The following CPD variants were observed in gnomAD, a reference collection of about 807,000 sequenced individuals.
The protein encoded by CPD is carboxypeptidase D, also known as metallocarboxypeptidase D.
In CPD, 69 loss-of-function variants were observed where a neutral mutation model predicts 138.3. That is an observed-to-expected ratio of 0.50 (90% CI 0.41 to 0.61). The LOEUF (loss-of-function observed/expected upper bound fraction) is 0.61, where lower values mean the gene tolerates loss of function less well. Among genes scored for constraint, CPD ranks in the 20% least tolerant of loss-of-function variants. The pLI is 0.00. For missense variants in CPD, 1,432 were observed against 1,733.3 expected (o/e 0.83, Z 3.09); for synonymous variants, 651 against 642.1 (o/e 1.01, Z -0.21).
intron 14 of CPD, among the ~76,000 whole-genome samples, chr17:30,453,356 C>A (rs1674722540): frequency 6.6e-6 from 1 of 152,196 alleles, no homozygotes; most frequent in Non-Finnish European, 1.5e-5. Flanking sequence ...GGGCTACAGG[C>A]CCCATGCAAG....
intron 5 of CPD, 21 bp from the exon 6 acceptor site, chr17:30,423,485 A>ATGTAATTATTT (rs1912323279): frequency 1.4e-6 from 2 of 1,473,028 alleles, no homozygotes; most frequent in Non-Finnish European, 1.8e-6. Context: ...AAAGCCTTCC[A>ATGTAATTATTT]TGTAATTATT....
intron 2 of CPD, among the ~76,000 whole-genome samples, chr17:30,416,379 A>G (rs1457595443): frequency 6.6e-6 from 1 of 152,246 alleles, no homozygotes; most frequent in East Asian, 1.9e-4. Context: ...CAATGTGGAT[A>G]TAGTTAACAC....
At chr17:30,380,436 T>G in intron 1 of CPD, 1 of 1,227,736 alleles carries the variant, frequency 8.1e-7, no homozygotes. Context: ...TGCACAGATC[T>G]GTGAGCCGCT....
In CPD at chr17:30,461,294, C is replaced by A; in HGVS notation, c.3613C>A (p.Leu1205Ile). 6.2e-7 allele frequency: 1 copy of A among 1,602,420 alleles called. No individual in the cohort carries two copies. Among genetic ancestry groups the A allele is most frequent in the East Asian group, 2.3e-5 (1 of 44,370 alleles). Residue 1205 changes from leucine to isoleucine, a missense_variant, in exon 18 of 21, where the codon CTT (leucine) becomes ATT (isoleucine). This residue lies in a region of CPD where 366 missense variants were observed against 518.8 expected (regional missense o/e 0.71). Coordinates refer to ENST00000225719, the MANE Select transcript of CPD (RefSeq NM_001304.5). Reference sequence around the variant, plus strand: ...GTGGGCAGACAATAAGAGATCTCTTCTTAGTATGTTAGTGGAGGTGAGTCT... The same window carrying A: ...GTGGGCAGACAATAAGAGATCTCTTATTAGTATGTTAGTGGAGGTGAGTCT... ...SLWADNKRSL[L>I]SMLVEVHKGV...
intron 2 of CPD, among the ~76,000 whole-genome samples, chr17:30,389,967 T>C (rs1295862154): frequency 1.3e-5 from 2 of 152,134 alleles, no homozygotes. Context: ...AGTAAGATGT[T>C]GTGAAACCTT....
At position 30,404,336 on chromosome 17, in the gene CPD, T is replaced by C. The variant is rs185301049; in HGVS notation, c.995-16505T>C. On this transcript the variant is annotated intron_variant, in intron 2 of 20. Transcript: ENST00000225719. ...AAAGGAAATTATTTAAGAACCTCTGTATGCTTCAAAGAAGAATAAAATTCA... is the reference window on the plus strand; with the variant it reads ...AAAGGAAATTATTTAAGAACCTCTGCATGCTTCAAAGAAGAATAAAATTCA... 1.1e-4 allele frequency among the ~76,000 whole-genome samples: 17 copies of C among 152,316 alleles called. No individual in the cohort carries two copies. The East Asian group carries it at 3.3e-3, about 29-fold the overall frequency.
At chr17:30,423,735 C>G (rs1285347886) in intron 6 of CPD, 38 bp downstream of exon 6, 4 of 1,337,932 alleles carry the variant, frequency 3.0e-6, no homozygotes, top group Non-Finnish European at 4.0e-6. Flanking sequence ...ATTTGATCAT[C>G]ATATAGAATG....
At chr17:30,406,458 TG>T (rs1911802989) in intron 2 of CPD, among the ~76,000 whole-genome samples, 1 of 152,190 alleles carries the variant, frequency 6.6e-6, no homozygotes, top group Admixed American at 6.5e-5. Flanking sequence ...ACTTGCTACC[TG>T]GGGGATATAT....
chr17:30,448,342 G>A (rs766296476), intron 12 of CPD, among the ~76,000 whole-genome samples: 2 of 152,164 alleles, frequency 1.3e-5, no homozygotes, highest in Non-Finnish European at 2.9e-5. Flanking sequence ...CAGCCTAGGT[G>A]ACAGTAAGAT....
chr17:30,385,492 G>A (rs1346193091), intron 2 of CPD, among the ~76,000 whole-genome samples: 5 of 123,816 alleles, frequency 4.0e-5, no homozygotes, highest in Admixed American at 8.1e-5. Flanking sequence ...CTACATGCAC[G>A]TGTATGTGCA....
chr17:30,380,526 T>TA, intron 1 of CPD: 1 of 1,435,590 alleles, frequency 7.0e-7, no homozygotes, highest in Non-Finnish European at 9.1e-7. Context: ...GTCACACTTC[T>TA]AATACACACT....
intron 2 of CPD, among the ~76,000 whole-genome samples, chr17:30,416,610 C>G (rs2143398848): frequency 6.6e-6 from 1 of 152,340 alleles, no homozygotes; most frequent in East Asian, 1.9e-4. Flanking sequence ...TATTGTCCAG[C>G]CACAGTAGCT....
chr17:30,403,448 C>A (rs527824143), intron 2 of CPD, among the ~76,000 whole-genome samples: 15 of 152,260 alleles, frequency 9.9e-5, no homozygotes, highest in Admixed American at 2.6e-4. Flanking sequence ...TCATATCTGC[C>A]ATCTCACTAA....
chr17:30,423,112 C>T (rs1177661077), intron 5 of CPD, 89 bp downstream of exon 5: 6 of 991,472 alleles, frequency 6.1e-6, no homozygotes, highest in East Asian at 5.2e-5. Flanking sequence ...AGGTCGCCTA[C>T]AGTTTGTATA....
intron 2 of CPD, among the ~76,000 whole-genome samples, chr17:30,402,246 C>G (rs1911693832): frequency 6.6e-6 from 1 of 151,946 alleles, no homozygotes; most frequent in South Asian, 2.1e-4. Flanking sequence ...TGGTATCTTT[C>G]TTTTACTTTA....
intron 4 of CPD, 124 bp from the exon 5 acceptor site, chr17:30,422,550 A>G: frequency 1.6e-6 from 1 of 617,142 alleles, no homozygotes; most frequent in South Asian, 2.5e-5. Flanking sequence ...ATCTCTCTTT[A>G]TTTAGTTTGA....
intron 2 of CPD, among the ~76,000 whole-genome samples, chr17:30,387,338 C>T (rs927889035): frequency 3.3e-5 from 5 of 152,098 alleles, no homozygotes; most frequent in Non-Finnish European, 5.9e-5. Flanking sequence ...AGGCTGGTCT[C>T]GAACTCCTGA....
At chr17:30,445,077 T>G (rs1282355144) in intron 11 of CPD, among the ~76,000 whole-genome samples, 1 of 152,172 alleles carries the variant, frequency 6.6e-6, no homozygotes, top group Non-Finnish European at 1.5e-5. Flanking sequence ...TTCCCACCCG[T>G]ATACCCTGAT....
Position 30,379,159 on chromosome 17 carries a change from A to G in CPD, c.179A>G (p.His60Arg). 2 of 1,535,778 alleles carry G rather than the reference A, an allele frequency of 1.3e-6. No homozygotes were observed. Among genetic ancestry groups the G allele is most frequent in the Non-Finnish European group, 1.7e-6 (2 of 1,144,518 alleles). The change falls in exon 1 of 21, where the codon CAC (histidine) becomes CGC (arginine). Residue 60 changes from histidine to arginine, a missense_variant. Transcript: ENST00000225719. This position sits in a 1 kb window ranked among gnomAD's most constrained non-coding sequence, Gnocchi z 7.0. Reference protein sequence around the residue: ...AAEGQFDRYYHEEELESALRE... With the variant: ...AAEGQFDRYYREEELESALRE... ...GAGGGCCAGTTCGACCGCTACTACCACGAAGAGGAGTTGGAGTCGGCGCTG... is the reference window on the plus strand; with the variant it reads ...GAGGGCCAGTTCGACCGCTACTACCGCGAAGAGGAGTTGGAGTCGGCGCTG...
Sources: allele counts gnomAD v4.1 joint callset (sites outside exome capture counted in the v4.1 genomes callset), GRCh38; gene constraint gnomAD v4.1.1; regional missense constraint gnomAD v4.1.1; non-coding constraint Gnocchi (gnomAD v3.1); transcripts MANE v1.5; gene names NCBI Gene and HGNC (gene_info 2026-07-23, HGNC 2026-07-21).